Variants in DCHS1 observed in about 807,000 individuals in gnomAD.
The protein encoded by DCHS1 is protocadherin-16.
Under a neutral mutation model 213.9 loss-of-function variants are expected in DCHS1, and 78 were observed. That is an observed-to-expected ratio of 0.36 (90% confidence interval 0.30 to 0.44). The LOEUF is 0.44. Ranked by LOEUF, DCHS1 falls within the 20% of genes least tolerant of loss-of-function variation. The pLI is 1.00. For missense variants in DCHS1, 3,946 were observed against 4,395.9 expected, an observed-to-expected ratio of 0.90 and a Z score of 2.89; for synonymous variants, 1,828 against 1,873.7, an observed-to-expected ratio of 0.98 and a Z score of 0.63.
chr11:6,631,610 A>G lies in DCHS1; in HGVS notation c.3675+6T>C. 1 of 1,567,422 alleles carries G rather than the reference A, an allele frequency of 6.4e-7. No individual in the cohort carries two copies. Among genetic ancestry groups the G allele is most frequent in the Non-Finnish European group, 8.7e-7 (1 of 1,156,010 alleles). ...TCTCAGGACAAAGTCCTGCCACTTC[A>G]CATACCTGTATAGGGAGGCCCCCAC... On this transcript the variant is annotated splice_donor_region_variant and intron_variant, in intron 7 of 20. Transcript: ENST00000299441.
At chr11:6,629,215 C>T (rs960534405) in intron 12 of DCHS1, among the ~76,000 whole-genome samples, 3 of 152,194 alleles carry the variant, frequency 2.0e-5, no homozygotes, top group Admixed American at 6.5e-5. Flanking sequence ...GCCTGGAGGG[C>T]ATAGCTGTGA....
Position 6,630,179 on chromosome 11 carries a change from C to T in DCHS1, c.4615G>A (p.Glu1539Lys), listed in dbSNP as rs1855877075. 6.3e-7 allele frequency: 1 copy of T among 1,596,896 alleles called. No homozygotes were observed. Among genetic ancestry groups the T allele is most frequent in the Non-Finnish European group, 8.5e-7 (1 of 1,172,182 alleles). The stretch of plus-strand genomic sequence containing the variant: ...GCGAAGACAGGCGCGTTGTCATTCT[C>T]ATCCGTGACGAAGACGCGCGCTGAA... ...RVSARVFVTD[E>K]NDNAPVFASP... Residue 1539 changes from glutamate to lysine, a missense_variant, in exon 10 of 21, where the codon GAG becomes AAG. Glu to Lys is a moderately conservative substitution (Grantham distance 56). Coordinates refer to ENST00000299441, the MANE Select transcript of DCHS1 (RefSeq NM_003737.4).
At chr11:6,647,863 G>A (rs1183088623) in intron 1 of DCHS1, among the ~76,000 whole-genome samples, 1 of 152,220 alleles carries the variant, frequency 6.6e-6, no homozygotes, top group Non-Finnish European at 1.5e-5. Flanking sequence ...CTGGAGGAGA[G>A]AGGTGAAGAA....
intron 1 of DCHS1, among the ~76,000 whole-genome samples, chr11:6,648,923 C>T (rs1037501807): frequency 6.6e-6 from 1 of 152,102 alleles, no homozygotes; most frequent in Admixed American, 6.6e-5. Context: ...CCTGACTCGG[C>T]CACTTAAGCA....
chr11:6,625,184 A>G lies in DCHS1; in HGVS notation c.7146+14T>C. 6.4e-7 allele frequency: 1 copy of G among 1,569,660 alleles called. No individual in the cohort carries two copies. Among genetic ancestry groups the G allele is most frequent in the Non-Finnish European group, 8.6e-7 (1 of 1,156,706 alleles). On this transcript the variant is annotated intron_variant, in intron 19 of 20. Coordinates refer to ENST00000299441, the MANE Select transcript of DCHS1 (RefSeq NM_003737.4). This position sits in a 1 kb window ranked among gnomAD's most constrained non-coding sequence, Gnocchi z 5.3. ...CCCAGGCCCAGGTGTAGGTGGATCC[A>G]TGGGTGTCAATACCTGGTAGAGGCT...
Position 6,640,125 on chromosome 11 carries a change from C to A in DCHS1, c.1489G>T (p.Ala497Ser). The A allele has an allele frequency of 1.9e-6, 3 of 1,613,610 alleles. No individual in the cohort carries two copies. The highest frequency in any genetic ancestry group is 1.3e-5 in the African/African-American group (1 of 75,062). The change falls in exon 2 of 21, where the codon GCT becomes TCT. Residue 497 changes from alanine (A) to serine (S), a missense_variant. Ala to Ser is a moderately conservative substitution (Grantham distance 99, BLOSUM62 1). Transcript: ENST00000299441. This position sits in a 1 kb window ranked among gnomAD's most constrained non-coding sequence, Gnocchi z 6.5. ...LPGSFVVRVT[A>S]RDPDQGTNGQ... ...TTGGTGCCTTGGTCAGGATCCCGAG[C>A]AGTCACCCGCACTACAAAGCTGCCA... is the stretch of plus-strand genomic sequence containing the variant.
intron 1 of DCHS1, among the ~76,000 whole-genome samples, chr11:6,650,363 G>A (rs905950325): frequency 3.3e-5 from 5 of 152,188 alleles, no homozygotes; most frequent in Non-Finnish European, 7.4e-5. Flanking sequence ...GGTTGAAAGT[G>A]GCCTGGTGTC....
chr11:6,644,292 A>G (rs1361706267), intron 1 of DCHS1, among the ~76,000 whole-genome samples: 2 of 152,228 alleles, frequency 1.3e-5, no homozygotes, highest in African/African-American at 4.8e-5. Context: ...GATCTACAAG[A>G]TAAAGTCCTT....
At chr11:6,629,188 T>C (rs1368071788) in intron 12 of DCHS1, among the ~76,000 whole-genome samples, 3 of 152,338 alleles carry the variant, frequency 2.0e-5, no homozygotes, top group Middle Eastern at 6.8e-3. Context: ...GTTAAATGGC[T>C]GCAGTATCTG....
At chr11:6,636,262 T>C (rs1368924592) in intron 2 of DCHS1, among the ~76,000 whole-genome samples, 1 of 152,162 alleles carries the variant, frequency 6.6e-6, no homozygotes, top group African/African-American at 2.4e-5. Flanking sequence ...CAGTCTGGGG[T>C]GCAGTGGTGT....
rs2134619822 is a variant in DCHS1 at position 6,627,388 on chromosome 11, G to T, written c.5651C>A (p.Ala1884Asp). ...LLQLQAHDPD[A>D]GANGHVTYYL... is the part of the protein sequence containing the mutation. ...GTAGGTCACATGGCCATTAGCTCCA[G>T]CATCAGGGTCATGAGCCTGTAGCTG... is the stretch of plus-strand genomic sequence containing the variant. Residue 1884 changes from alanine (A) to aspartate (D), a missense_variant, in exon 14 of 21, where the codon GCT (alanine) becomes GAT (aspartate). Ala to Asp is a moderately radical substitution (Grantham distance 126). This residue lies in a region of DCHS1 where 3,384 missense variants were observed against 3,780.1 expected (regional missense o/e 0.90). Transcript: ENST00000299441. This position sits in a 1 kb window ranked among gnomAD's most constrained non-coding sequence, Gnocchi z 5.4. 1 of 1,608,706 alleles carries T rather than the reference G, an allele frequency of 6.2e-7. No homozygotes were observed. The highest frequency in any genetic ancestry group is 1.3e-5 in the African/African-American group (1 of 74,914).
At position 6,627,710 on chromosome 11, in the gene DCHS1, G is replaced by C; in HGVS notation, c.5372-43C>G. On this transcript the variant is annotated intron_variant, in intron 13 of 20. Coordinates refer to ENST00000299441, the MANE Select transcript of DCHS1 (RefSeq NM_003737.4). The surrounding 1 kb of genome is among the most constrained non-coding windows in gnomAD (Gnocchi z 5.4). ...CACATATAAATATACATGTGTCGTG[G>C]GGATGGGGGTGATTTACAGACAACA... 1 of 1,574,964 alleles carries C rather than the reference G, an allele frequency of 6.3e-7. No homozygotes were observed. The highest frequency in any genetic ancestry group is 2.3e-5 in the East Asian group (1 of 44,244).
Position 6,622,176 on chromosome 11 carries a change from A to G in DCHS1, c.9500T>C (p.Leu3167Pro), listed in dbSNP as rs554635448. 6.2e-7 allele frequency: 1 copy of G among 1,609,940 alleles called. No individual in the cohort carries two copies. Among genetic ancestry groups the G allele is most frequent in the East Asian group, 2.2e-5 (1 of 44,830 alleles). Reference protein sequence around the residue: ...LRGSYNWDYLLSWCPQFQPLA... With the variant: ...LRGSYNWDYLPSWCPQFQPLA... ...TGGTTGGAACTGAGGGCACCAGCTC[A>G]GCAGGTAGTCCCAGTTATAGCTGCC... Residue 3167 changes from leucine to proline, a missense_variant, in exon 21 of 21, where the codon CTG becomes CCG. By Grantham distance (98) the Leu-to-Pro change is moderately conservative (BLOSUM62 -3). Transcript: ENST00000299441. This position sits in a 1 kb window ranked among gnomAD's most constrained non-coding sequence, Gnocchi z 5.4.
Position 6,631,726 on chromosome 11 carries a change from G to C in DCHS1, c.3565C>G (p.Pro1189Ala). Residue 1189 changes from proline to alanine, a missense_variant, in exon 7 of 21, where the codon CCA becomes GCA. Transcript: ENST00000299441. ...ACAGTGCCTGTGGTGCTGCGGGGTG[G>C]GCTCCCTCCATCCTGCACCTGCACC... ...LLVQVQDGGS[P>A]PRSTTGTVHV... The C allele has an allele frequency of 1.2e-6, 2 of 1,609,696 alleles. No homozygotes were observed. Among genetic ancestry groups the C allele is most frequent in the Non-Finnish European group, 1.7e-6 (2 of 1,177,812 alleles).
rs776003597 is a variant in DCHS1 at position 6,627,331 on chromosome 11, A to G, written c.5708T>C (p.Leu1903Pro). The change falls in exon 14 of 21, where the codon CTG becomes CCG. Residue 1903 changes from leucine to proline, a missense_variant. Around this residue, in one of 3 missense-constraint regions of DCHS1, gnomAD observed 3,384 missense variants for 3,780.1 expected, o/e 0.90. Coordinates refer to ENST00000299441, the MANE Select transcript of DCHS1 (RefSeq NM_003737.4). The surrounding 1 kb of genome is among the most constrained non-coding windows in gnomAD (Gnocchi z 5.4). ...CAGTTCTCCAGAGCTGGGCTCCAGC[A>G]GGAAGGCTCCTGCTGTACCGGCGCC... The part of the protein sequence containing the change: ...YLGAGTAGAF[L>P]LEPSSGELRT... 1 of 1,610,048 alleles carries G rather than the reference A, an allele frequency of 6.2e-7. No homozygotes were observed. The highest frequency in any genetic ancestry group is 2.2e-5 in the East Asian group (1 of 44,754).
chr11:6,626,391 T>G lies in DCHS1; in HGVS notation c.6365-11A>C, dbSNP rs11827437. On this transcript the variant is annotated splice_polypyrimidine_tract_variant and intron_variant, in intron 15 of 20. Transcript: ENST00000299441. This position sits in a 1 kb window ranked among gnomAD's most constrained non-coding sequence, Gnocchi z 5.2. ...GAACTGTGATGGCACCTGGGCGAGA[T>G]AGAATGCATCAGTGATAGCCCCCTT... The G allele has an allele frequency of 6.2e-7, 1 of 1,611,116 alleles. No homozygotes were observed. Among genetic ancestry groups the G allele is most frequent in the East Asian group, 2.2e-5 (1 of 44,774 alleles).
chr11:6,646,690 G>A (rs1161015272), intron 1 of DCHS1, among the ~76,000 whole-genome samples: 1 of 152,106 alleles, frequency 6.6e-6, no homozygotes, highest in African/African-American at 2.4e-5. Flanking sequence ...CTGCTACTTG[G>A]TCCTCTGACT....
intron 1 of DCHS1, among the ~76,000 whole-genome samples, chr11:6,647,077 GGGGT>G (rs1305595799): frequency 6.6e-6 from 1 of 152,354 alleles, no homozygotes; most frequent in Admixed American, 6.5e-5. Flanking sequence ...AAAGACAACA[GGGGT>G]GAGGAGGGGC....
rs764091586 is a variant in DCHS1 at position 6,625,879 on chromosome 11, G to T, written c.6731+41C>A. 1.2e-6 allele frequency: 2 copies of T among 1,605,358 alleles called. No homozygotes were observed. The highest frequency in any genetic ancestry group is 2.7e-5 in the African/African-American group (2 of 74,732). On this transcript the variant is annotated intron_variant, in intron 17 of 20. Coordinates refer to ENST00000299441, the MANE Select transcript of DCHS1 (RefSeq NM_003737.4). The surrounding 1 kb of genome is among the most constrained non-coding windows in gnomAD (Gnocchi z 5.3). ...TCAAGGCAGGGCTTGAAACTGGACA[G>T]GCCCAAGATGGGGTCTTGGGTCCAC...
Sources: allele counts gnomAD v4.1 joint callset (sites outside exome capture counted in the v4.1 genomes callset), GRCh38; gene constraint gnomAD v4.1.1; regional missense constraint gnomAD v4.1.1; non-coding constraint Gnocchi (gnomAD v3.1); transcripts MANE v1.5; gene names NCBI Gene and HGNC (gene_info 2026-07-23, HGNC 2026-07-21).